GAP43: variants seen among roughly 807,000 people sequenced by gnomAD.
The protein encoded by GAP43 is growth associated protein 43, also known as neuromodulin.
In GAP43, 6 loss-of-function variants were observed where a neutral mutation model predicts 18.6. That is an observed-to-expected ratio of 0.32 (90% confidence interval 0.18 to 0.64). The LOEUF is 0.64. Among genes scored for constraint, GAP43 ranks in the 30% least tolerant of loss-of-function variants. GAP43 has a pLI of 0.78. For synonymous variants in GAP43, 115 were observed against 111.4 expected, an observed-to-expected ratio of 1.03 and a Z score of -0.20; for missense variants, 292 against 295.5, an observed-to-expected ratio of 0.99 and a Z score of 0.09.
intron 2 of GAP43, among the ~76,000 whole-genome samples, chr3:115,699,751 A>G (rs191590361): frequency 6.6e-6 from 1 of 152,236 alleles, no homozygotes; most frequent in East Asian, 1.9e-4. Context: ...TTTAAGAAGG[A>G]TTTTATTTAA....
At chr3:115,705,273 A>G (rs1294174941) in intron 2 of GAP43, among the ~76,000 whole-genome samples, 1 of 152,166 alleles carries the variant, frequency 6.6e-6, no homozygotes, top group Non-Finnish European at 1.5e-5. Context: ...ATTCTTACAG[A>G]GCTAAAATTA....
chr3:115,680,829 A>G (rs1708951001), intron 2 of GAP43, among the ~76,000 whole-genome samples: 1 of 152,234 alleles, frequency 6.6e-6, no homozygotes, highest in South Asian at 2.1e-4. Flanking sequence ...AATTTAAAAA[A>G]TTATTTATGT....
chr3:115,669,675 A>G (rs187216434), intron 1 of GAP43, among the ~76,000 whole-genome samples: 4 of 152,332 alleles, frequency 2.6e-5, no homozygotes, highest in African/African-American at 4.8e-5. Context: ...GCTTTATACT[A>G]TGTTGAAGAT....
rs147548854 is a variant in GAP43 at position 115,657,834 on chromosome 3, A to G, written c.31-18179A>G. ...CTGCCTCCCAAAGTTCTGGGATTACAGACGTGAGCCGCCGTACCCAGCCAA... is the reference window on the plus strand; with the variant it reads ...CTGCCTCCCAAAGTTCTGGGATTACGGACGTGAGCCGCCGTACCCAGCCAA... On this transcript the variant is annotated intron_variant, in intron 1 of 2. Transcript: ENST00000305124. 7.5e-3 allele frequency among the ~76,000 whole-genome samples: 1,149 copies of G among 152,274 alleles called. 19 individuals are homozygous for G. Among genetic ancestry groups the G allele is most frequent in the African/African-American group, 0.026 (1,086 of 41,550 alleles).
At chr3:115,640,925 C>CT (rs138662453) in intron 1 of GAP43, among the ~76,000 whole-genome samples, 28,251 of 150,416 alleles carry the variant, frequency 0.19, 3,134 homozygotes, top group East Asian at 0.41. Flanking sequence ...TTCTTTCCTT[C>CT]TTTTTTTCCT....
At chr3:115,706,397 T>TG (rs3836330) in intron 2 of GAP43, among the ~76,000 whole-genome samples, 3 of 151,872 alleles carry the variant, frequency 2.0e-5, no homozygotes, top group Admixed American at 1.3e-4. Flanking sequence ...ACTACCCAGC[T>TG]GGGGGGTAGG....
In GAP43 at chr3:115,666,462, TC is replaced by T. The variant is rs2107483980; in HGVS notation, c.31-9550del. On this transcript the variant is annotated intron_variant, in intron 1 of 2. Coordinates refer to ENST00000305124, the MANE Select transcript of GAP43 (RefSeq NM_002045.4). ...CTTATCAACATGCCTTAACTTAATG[TC>T]ACGATGCTCTAGAAATTACTCTGAG... is the stretch of plus-strand genomic sequence containing the variant. 2.0e-5 allele frequency among the ~76,000 whole-genome samples: 3 copies of T among 152,316 alleles called. No individual in the cohort carries two copies. The South Asian group carries it at 6.2e-4, about 32-fold the overall frequency.
intron 2 of GAP43, among the ~76,000 whole-genome samples, chr3:115,703,458 G>A (rs1401775631): frequency 6.6e-6 from 1 of 152,046 alleles, no homozygotes; most frequent in Non-Finnish European, 1.5e-5. Context: ...ATAATTTACA[G>A]AAGAGCTGGA....
chr3:115,631,872 C>T (rs1053760421), intron 1 of GAP43, among the ~76,000 whole-genome samples: 23 of 152,118 alleles, frequency 1.5e-4, no homozygotes, highest in African/African-American at 5.3e-4. Flanking sequence ...CCACCCACCT[C>T]GGCCTCTCAA....
chr3:115,626,653 T>C (rs2107462740), intron 1 of GAP43, among the ~76,000 whole-genome samples: 1 of 152,348 alleles, frequency 6.6e-6, no homozygotes, highest in African/African-American at 2.4e-5. Flanking sequence ...GATTTATGTC[T>C]ACAAAGCAAG....
At chr3:115,646,855 A>G (rs1439903881) in intron 1 of GAP43, among the ~76,000 whole-genome samples, 1 of 152,044 alleles carries the variant, frequency 6.6e-6, no homozygotes, top group African/African-American at 2.4e-5. Flanking sequence ...TTCACTTTAT[A>G]TATTAAGTAT....
At position 115,623,732 on chromosome 3, in the gene GAP43, A is replaced by G; in HGVS notation, c.30+13A>G. ...AAGAACCAAACAGGTAGAGCTAAAG[A>G]TTTTTTACTTCTTGCTGTTGTGAAA... On this transcript the variant is annotated intron_variant, in intron 1 of 2. Coordinates refer to ENST00000305124, the MANE Select transcript of GAP43 (RefSeq NM_002045.4). The G allele has an allele frequency of 1.2e-6, 2 of 1,614,006 alleles. No homozygotes were observed. Among genetic ancestry groups the G allele is most frequent in the Non-Finnish European group, 1.7e-6 (2 of 1,179,896 alleles).
intron 2 of GAP43, among the ~76,000 whole-genome samples, chr3:115,683,143 GCGCGCACACACA>G (rs1708982184): frequency 3.4e-4 from 43 of 126,046 alleles, no homozygotes; most frequent in African/African-American, 6.2e-4. Flanking sequence ...GTGCGCGCGC[GCGCGCACACACA>G]CACACACACA....
At chr3:115,666,123 T>C (rs1708729955) in intron 1 of GAP43, among the ~76,000 whole-genome samples, 1 of 151,714 alleles carries the variant, frequency 6.6e-6, no homozygotes, top group Non-Finnish European at 1.5e-5. Context: ...CTACACTAGG[T>C]GAAGTTTTGG....
At chr3:115,641,418 G>A (rs1708393919) in intron 1 of GAP43, among the ~76,000 whole-genome samples, 1 of 151,336 alleles carries the variant, frequency 6.6e-6, no homozygotes, top group Non-Finnish European at 1.5e-5. Context: ...ACATAGGGGT[G>A]TGCATATATA....
chr3:115,639,445 C>G (rs1258374506), intron 1 of GAP43, among the ~76,000 whole-genome samples: 1 of 152,048 alleles, frequency 6.6e-6, no homozygotes, highest in Non-Finnish European at 1.5e-5. Flanking sequence ...GAACAGTTAG[C>G]CTTTCCTCAC....
intron 1 of GAP43, chr3:115,663,643 A>G (rs1249569858): frequency 5.6e-6 from 8 of 1,423,656 alleles, no homozygotes; most frequent in Non-Finnish European, 5.5e-6. Flanking sequence ...ATAACACCTC[A>G]GCCCTTGCTT....
chr3:115,663,820 C>T, intron 1 of GAP43: 1 of 1,551,948 alleles, frequency 6.4e-7, no homozygotes, highest in Non-Finnish European at 8.7e-7. Flanking sequence ...CCGCACTCCA[C>T]TTTTTACCTT....
At chr3:115,667,044 C>T (rs1262443264) in intron 1 of GAP43, among the ~76,000 whole-genome samples, 1 of 152,150 alleles carries the variant, frequency 6.6e-6, no homozygotes, top group African/African-American at 2.4e-5. Context: ...AGCCAGTGAG[C>T]TGAGTGTTCA....
Sources: gnomAD v4.1 joint callset for allele counts (sites outside exome capture counted in the v4.1 genomes callset) on GRCh38, gnomAD v4.1.1 for gene constraint, MANE v1.5 for transcripts, NCBI Gene and HGNC (gene_info 2026-07-23, HGNC 2026-07-21) for gene names.